Variants in TTC17 observed in about 807,000 individuals in gnomAD.
TTC17 encodes tetratricopeptide repeat protein 17.
A neutral mutation model predicts 143.8 loss-of-function variants in TTC17; 58 were observed. The observed-to-expected ratio is 0.40, with a 90% confidence interval of 0.33 to 0.50. The LOEUF is 0.50. Ranked by LOEUF, TTC17 falls within the 20% of genes least tolerant of loss-of-function variation. The pLI is 0.49. For missense variants in TTC17, 1,273 were observed against 1,392.5 expected (o/e 0.91, Z 1.37); for synonymous variants, 501 against 497.8 (o/e 1.01, Z -0.09).
chr11:43,412,272 C>T (rs1858449262), intron 15 of TTC17, among the ~76,000 whole-genome samples: 1 of 152,018 alleles, frequency 6.6e-6, no homozygotes, highest in African/African-American at 2.4e-5. Context: ...TCGCTTGAGC[C>T]TAGGAGCTCA....
At chr11:43,464,259 G>A (rs1947927680) in intron 21 of TTC17, among the ~76,000 whole-genome samples, 1 of 148,914 alleles carries the variant, frequency 6.7e-6, no homozygotes, top group Non-Finnish European at 1.5e-5. Flanking sequence ...CAGCTTGGGC[G>A]ATAGAGTGAG....
intron 16 of TTC17, among the ~76,000 whole-genome samples, chr11:43,435,670 A>G (rs548160534): frequency 9.8e-5 from 15 of 152,344 alleles, no homozygotes; most frequent in Non-Finnish European, 1.9e-4. Flanking sequence ...ACTTTCTGCC[A>G]TCATCCCCCT....
chr11:43,486,155 A>C (rs558863537), intron 21 of TTC17, among the ~76,000 whole-genome samples: 1 of 123,794 alleles, frequency 8.1e-6, no homozygotes, highest in South Asian at 2.2e-4. Context: ...AATACGCCAT[A>C]GTCCCCCCCT....
intron 1 of TTC17, among the ~76,000 whole-genome samples, chr11:43,377,150 G>T (rs552605614): frequency 3.9e-5 from 6 of 152,204 alleles, no homozygotes; most frequent in African/African-American, 1.2e-4. Flanking sequence ...AAACTTAGCT[G>T]GGCGTAGTGG....
At chr11:43,447,733 C>A (rs1342252700) in intron 18 of TTC17, 1 of 322,580 alleles carries the variant, frequency 3.1e-6, no homozygotes, top group Non-Finnish European at 5.6e-6. Context: ...AATGCCTTAA[C>A]CCCTTATTTC....
At chr11:43,444,900 C>G (rs1495260) in intron 18 of TTC17, among the ~76,000 whole-genome samples, 142,104 of 152,246 alleles carry the variant, frequency 0.93, 66,424 homozygotes, top group Non-Finnish European at 0.95. Context: ...GTGAATTTTG[C>G]GGCAGTCTGA....
chr11:43,389,014 C>T (rs961438259), intron 2 of TTC17, among the ~76,000 whole-genome samples: 1 of 150,790 alleles, frequency 6.6e-6, no homozygotes, highest in African/African-American at 2.4e-5. Context: ...TGGGACATGC[C>T]TGTAGTCCAG....
intron 16 of TTC17, among the ~76,000 whole-genome samples, chr11:43,419,292 AAGT>A (rs1274549295): frequency 6.6e-6 from 1 of 152,254 alleles, no homozygotes; most frequent in African/African-American, 2.4e-5. Flanking sequence ...CTGGAACAAA[AAGT>A]AGAATTTTCA....
At chr11:43,421,167 T>G (rs112160978) in intron 16 of TTC17, among the ~76,000 whole-genome samples, 5,677 of 152,084 alleles carry the variant, frequency 0.037, 155 homozygotes, top group South Asian at 0.11. Flanking sequence ...TTGGGGTCAT[T>G]AAGGGAGGCC....
At chr11:43,397,534 T>TTCC (rs749839610) in intron 7 of TTC17, 43 bp downstream of exon 7, 1 of 1,454,008 alleles carries the variant, frequency 6.9e-7, no homozygotes, top group African/African-American at 1.8e-5. Flanking sequence ...TAGTTGCCAC[T>TTCC]TTCTTTTTTT....
chr11:43,450,948 G>A (rs889383187), intron 20 of TTC17, among the ~76,000 whole-genome samples: 2 of 152,114 alleles, frequency 1.3e-5, no homozygotes, highest in Admixed American at 1.3e-4. Flanking sequence ...TTCTAGTGTT[G>A]CTATAATGAA....
intron 13 of TTC17, among the ~76,000 whole-genome samples, chr11:43,406,760 A>G (rs1031471556): frequency 2.6e-5 from 4 of 152,224 alleles, no homozygotes; most frequent in African/African-American, 4.8e-5. Flanking sequence ...ATGAAGTAGA[A>G]TAATTGAGTA....
At chr11:43,477,544 G>A (rs565856316) in intron 21 of TTC17, among the ~76,000 whole-genome samples, 7 of 152,174 alleles carry the variant, frequency 4.6e-5, no homozygotes, top group Non-Finnish European at 7.4e-5. Flanking sequence ...GGTGGCAAGA[G>A]AAAAATGAGG....
intron 8 of TTC17, 94 bp from the exon 9 acceptor site, chr11:43,399,794 G>A: frequency 7.8e-7 from 1 of 1,283,588 alleles, no homozygotes; most frequent in African/African-American, 1.5e-5. Flanking sequence ...CACAGTAATT[G>A]TTGCTGAGAA....
At chr11:43,395,726 GT>G (rs1157142924) in intron 5 of TTC17, among the ~76,000 whole-genome samples, 1 of 152,110 alleles carries the variant, frequency 6.6e-6, no homozygotes, top group African/African-American at 2.4e-5. Flanking sequence ...AAAAAGCTAC[GT>G]TTAACTAAAT....
In TTC17 at chr11:43,379,274, C is replaced by T; in HGVS notation, c.201C>T (p.Val67=). 1.2e-6 allele frequency: 2 copies of T among 1,612,200 alleles called. No individual in the cohort carries two copies. Among genetic ancestry groups the T allele is most frequent in the Non-Finnish European group, 1.7e-6 (2 of 1,179,426 alleles). The change falls in exon 2 of 24, where the codon GTC becomes GTT. Residue 67 remains valine (V), a synonymous_variant. Transcript: ENST00000039989. Reference sequence around the variant, plus strand: ...ACTTGAAGCATCCTCATGACCTAGTCATATTAATGAGACAAGAAGCAACAG... The same window carrying T: ...ACTTGAAGCATCCTCATGACCTAGTTATATTAATGAGACAAGAAGCAACAG... ...PMNLKHPHDL[V]ILMRQEATVN...
At chr11:43,491,314 G>A (rs1948471074) in intron 22 of TTC17, 1 of 152,214 alleles carries the variant, frequency 6.6e-6, no homozygotes, top group African/African-American at 2.4e-5. Context: ...TATTTGTGAT[G>A]ATAGCAATCT....
intron 5 of TTC17, among the ~76,000 whole-genome samples, chr11:43,393,398 G>A (rs1857462118): frequency 6.6e-6 from 1 of 152,084 alleles, no homozygotes; most frequent in South Asian, 2.1e-4. Flanking sequence ...ACAGCCAAAG[G>A]CATAAGCCAG....
chr11:43,458,623 C>T (rs781461607), intron 21 of TTC17, among the ~76,000 whole-genome samples: 16 of 152,030 alleles, frequency 1.1e-4, no homozygotes, highest in East Asian at 1.9e-4. Flanking sequence ...TAAATTCCTC[C>T]GACATGCAAA....
Sources: gnomAD v4.1 joint callset for allele counts (sites outside exome capture counted in the v4.1 genomes callset) on GRCh38, gnomAD v4.1.1 for gene constraint, MANE v1.5 for transcripts, NCBI Gene and HGNC (gene_info 2026-07-23, HGNC 2026-07-21) for gene names.